The following ESR1 variants were observed in gnomAD, a reference collection of about 807,000 sequenced individuals.
The protein encoded by ESR1 is estrogen receptor 1.
Under a neutral mutation model 52.7 loss-of-function variants are expected in ESR1, and 12 were observed. The observed-to-expected ratio is 0.23, with a 90% CI of 0.15 to 0.37. The LOEUF is 0.37. ESR1 is among the 10% of genes least tolerant of loss of function. ESR1 has a pLI of 1.00. For missense variants in ESR1, 584 were observed against 779.7 expected (o/e 0.75, Z 2.99); for synonymous variants, 305 against 316.8 (o/e 0.96, Z 0.39).
At chr6:151,710,580 T>A (rs548770267) in intron 2 of ESR1, among the ~76,000 whole-genome samples, 6 of 152,272 alleles carry the variant, frequency 3.9e-5, no homozygotes, top group Admixed American at 1.3e-4. Context: ...TGAATTTTTT[T>A]TTATTATTAC....
chr6:152,019,774 A>G (rs2043471175), intron 5 of ESR1, among the ~76,000 whole-genome samples: 1 of 152,214 alleles, frequency 6.6e-6, no homozygotes, highest in African/African-American at 2.4e-5. Flanking sequence ...CCACCTGTCC[A>G]TGATGGTATT....
chr6:151,898,161 C>A (rs1035052410), intron 3 of ESR1, among the ~76,000 whole-genome samples: 11 of 152,120 alleles, frequency 7.2e-5, no homozygotes, highest in African/African-American at 2.7e-4. Flanking sequence ...AACCTTATGA[C>A]AATGTGCCTA....
intron 3 of ESR1, among the ~76,000 whole-genome samples, chr6:151,892,614 G>A (rs537846414): frequency 7.4e-4 from 105 of 141,852 alleles, no homozygotes; most frequent in Non-Finnish European, 1.3e-3. Context: ...TTTTCTGTTA[G>A]AGATGTAATA....
intron 3 of ESR1, among the ~76,000 whole-genome samples, chr6:151,882,325 G>C (rs911819371): frequency 6.6e-6 from 1 of 152,126 alleles, no homozygotes; most frequent in Non-Finnish European, 1.5e-5. Context: ...TTGAATTTAC[G>C]CATTCTGTGA....
intron 2 of ESR1, among the ~76,000 whole-genome samples, chr6:151,785,929 C>A (rs1310255392): frequency 6.6e-6 from 1 of 152,170 alleles, no homozygotes; most frequent in East Asian, 1.9e-4. Flanking sequence ...TTTCTATTCT[C>A]AAAATTTCTT....
chr6:151,838,062 C>A (rs369987987), intron 1 of ESR1, among the ~76,000 whole-genome samples: 2 of 152,208 alleles, frequency 1.3e-5, no homozygotes, highest in East Asian at 3.9e-4. Flanking sequence ...TGCAGTGGTG[C>A]AATCATAGCT....
intron 2 of ESR1, among the ~76,000 whole-genome samples, chr6:151,790,260 T>C (rs150902310): frequency 1.6e-4 from 24 of 152,340 alleles, no homozygotes; most frequent in Non-Finnish European, 2.6e-4. Context: ...TCCGCAAACT[T>C]TGGGTGCACA....
At chr6:151,733,025 C>G (rs1021941120) in intron 2 of ESR1, among the ~76,000 whole-genome samples, 5 of 152,194 alleles carry the variant, frequency 3.3e-5, no homozygotes, top group Non-Finnish European at 2.9e-5. Flanking sequence ...ACCTATGAAC[C>G]TGTGAAAAGC....
chr6:151,766,700 A>T (rs1452332470), intron 2 of ESR1, among the ~76,000 whole-genome samples: 1 of 152,152 alleles, frequency 6.6e-6, no homozygotes, highest in Non-Finnish European at 1.5e-5. Flanking sequence ...TATACTCTTT[A>T]GTTCTTTTAA....
rs146926836 is a variant in ESR1 at position 152,110,934 on chromosome 6, C to T, written c.851-14332C>T. 8.8e-3 allele frequency among the ~76,000 whole-genome samples: 1,343 copies of T among 152,212 alleles called. 26 individuals carry two copies. Among genetic ancestry groups the T allele is most frequent in the African/African-American group, 0.031 (1,290 of 41,526 alleles). The stretch of plus-strand genomic sequence containing the variant: ...TTCCTGGCACCTGGGGGTGCCAGTG[C>T]TCTTGGTTTCTGAGGCCCCTTTCCT... On this transcript the variant is annotated intron_variant, in intron 6 of 6. Transcript: ENST00000427531.
At chr6:151,895,807 A>G (rs1003021522) in intron 3 of ESR1, among the ~76,000 whole-genome samples, 4 of 152,010 alleles carry the variant, frequency 2.6e-5, no homozygotes, top group African/African-American at 9.7e-5. Context: ...TATTTCGTTA[A>G]GGATATTTTT....
At chr6:152,074,414 C>T (rs528001922) in intron 6 of ESR1, among the ~76,000 whole-genome samples, 1 of 152,290 alleles carries the variant, frequency 6.6e-6, no homozygotes, top group African/African-American at 2.4e-5. Context: ...CTTTTTATGG[C>T]TTGATAGCTC....
intron 5 of ESR1, among the ~76,000 whole-genome samples, chr6:152,039,450 G>A (rs1383709174): frequency 6.6e-6 from 1 of 151,714 alleles, no homozygotes; most frequent in Non-Finnish European, 1.5e-5. Context: ...TGACTTAGAG[G>A]TAGGAGGAGC....
chr6:151,710,104 G>A (rs1376730828), intron 2 of ESR1, among the ~76,000 whole-genome samples: 3 of 151,620 alleles, frequency 2.0e-5, no homozygotes, highest in African/African-American at 4.8e-5. Context: ...AATTATATTA[G>A]CATCAATTTA....
intron 4 of ESR1, chr6:151,983,656 A>G (rs552447694): frequency 6.6e-6 from 1 of 152,244 alleles, no homozygotes; most frequent in East Asian, 1.9e-4. Flanking sequence ...CCAAGACAAC[A>G]TGGCCCATAC....
intron 5 of ESR1, among the ~76,000 whole-genome samples, chr6:152,044,419 G>T (rs889674517): frequency 6.6e-6 from 1 of 152,186 alleles, no homozygotes; most frequent in Non-Finnish European, 1.5e-5. Context: ...AGAGGGACAG[G>T]ACTCACAGGT....
At chr6:151,796,431 T>TG (rs1369265784) in intron 2 of ESR1, among the ~76,000 whole-genome samples, 1 of 152,158 alleles carries the variant, frequency 6.6e-6, no homozygotes, top group African/African-American at 2.4e-5. Flanking sequence ...ATTGGTGGGT[T>TG]GCAGGCAGAG....
intron 2 of ESR1, among the ~76,000 whole-genome samples, chr6:151,846,447 T>C (rs1785139236): frequency 6.6e-6 from 1 of 152,264 alleles, no homozygotes; most frequent in South Asian, 2.1e-4. Flanking sequence ...TGAAATTGTC[T>C]GTGACTCTTT....
intron 1 of ESR1, among the ~76,000 whole-genome samples, chr6:151,819,477 G>A (rs943142346): frequency 6.6e-5 from 10 of 152,094 alleles, no homozygotes; most frequent in African/African-American, 9.7e-5. Context: ...CCTGAGCTCC[G>A]CCTCCTGTCA....
Sources: allele counts gnomAD v4.1 joint callset (sites outside exome capture counted in the v4.1 genomes callset), GRCh38; gene constraint gnomAD v4.1.1; transcripts MANE v1.5; gene names NCBI Gene and HGNC (gene_info 2026-07-23, HGNC 2026-07-21).